EYA4: variants seen among roughly 807,000 people sequenced by gnomAD.
The protein encoded by EYA4 is protein phosphatase EYA4.
A neutral mutation model predicts 87.9 loss-of-function variants in EYA4; 31 were observed. The ratio of observed to expected loss-of-function variants is 0.35; its 90% confidence interval spans 0.27 to 0.48. The LOEUF is 0.48. EYA4 is among the 20% of genes least tolerant of loss of function. The pLI is 0.99. For missense variants in EYA4, 678 were observed against 761.4 expected (o/e 0.89, Z 1.29); for synonymous variants, 263 against 270.6 (o/e 0.97, Z 0.28).
intron 18 of EYA4, among the ~76,000 whole-genome samples, chr6:133,523,704 C>T (rs1800385747): frequency 6.6e-6 from 1 of 152,096 alleles, no homozygotes; most frequent in African/African-American, 2.4e-5. Context: ...GAACCACAAC[C>T]TTGTTTATTT....
intron 1 of EYA4, among the ~76,000 whole-genome samples, chr6:133,267,626 G>T (rs1225204711): frequency 2.0e-5 from 3 of 151,946 alleles, no homozygotes; most frequent in Admixed American, 1.3e-4. Flanking sequence ...CAGGTGATCC[G>T]CCCACCTCGG....
intron 3 of EYA4, among the ~76,000 whole-genome samples, chr6:133,439,119 G>C (rs967779624): frequency 1.4e-5 from 2 of 147,802 alleles, no homozygotes; most frequent in South Asian, 4.3e-4. Context: ...ATGACTTTAC[G>C]AGCATTTAGC....
rs116097271 is a variant in EYA4 at position 133,318,666 on chromosome 6, C to A, written c.33+43853C>A. Among the ~76,000 whole-genome samples, 483 of 149,868 alleles carry A rather than the reference C, an allele frequency of 3.2e-3. 4 individuals are homozygous for A. Among genetic ancestry groups the A allele is most frequent in the African/African-American group, 0.011 (465 of 40,834 alleles). On this transcript the variant is annotated intron_variant, in intron 2 of 19. Coordinates refer to ENST00000355286, the MANE Select transcript of EYA4 (RefSeq NM_004100.5). ...CAGAGTCTCCTGAGCTAATTTAGTTCCTTCGGCAGCTTTGACTGCCCTTTT... is the reference window on the plus strand; with the variant it reads ...CAGAGTCTCCTGAGCTAATTTAGTTACTTCGGCAGCTTTGACTGCCCTTTT...
intron 2 of EYA4, among the ~76,000 whole-genome samples, chr6:133,324,708 G>A (rs1230313410): frequency 6.6e-6 from 1 of 152,008 alleles, no homozygotes; most frequent in Non-Finnish European, 1.5e-5. Flanking sequence ...CATAGCTCAG[G>A]ACCCTCAGTA....
intron 2 of EYA4, among the ~76,000 whole-genome samples, chr6:133,289,453 T>C (rs1778315660): frequency 6.6e-6 from 1 of 152,224 alleles, no homozygotes; most frequent in Non-Finnish European, 1.5e-5. Flanking sequence ...TACTCAGTTT[T>C]CTTTTAGCAA....
intron 13 of EYA4, among the ~76,000 whole-genome samples, chr6:133,496,563 C>T (rs1020336091): frequency 6.6e-6 from 1 of 152,140 alleles, no homozygotes; most frequent in Non-Finnish European, 1.5e-5. Context: ...CAGAATACAG[C>T]CTGGAAGGCA....
At chr6:133,523,027 C>G in intron 17 of EYA4, 29 bp from the exon 18 acceptor site, 1 of 1,586,336 alleles carries the variant, frequency 6.3e-7, no homozygotes. Flanking sequence ...TATTAGAAAA[C>G]AAACATGTAT....
chr6:133,460,521 T>G (rs894109167), intron 6 of EYA4, among the ~76,000 whole-genome samples: 1 of 152,142 alleles, frequency 6.6e-6, no homozygotes, highest in African/African-American at 2.4e-5. Context: ...CTGCATTTTG[T>G]GATTATGTTT....
intron 3 of EYA4, among the ~76,000 whole-genome samples, chr6:133,401,512 T>A (rs193190033): frequency 6.1e-4 from 93 of 152,300 alleles, no homozygotes; most frequent in Admixed American, 1.9e-3. Flanking sequence ...TCAAAATGTG[T>A]CCTTCTGTTA....
intron 9 of EYA4, among the ~76,000 whole-genome samples, chr6:133,463,464 G>A (rs1455146122): frequency 1.3e-5 from 2 of 149,920 alleles, no homozygotes; most frequent in African/African-American, 2.5e-5. Context: ...GGGTTCAAGC[G>A]ATTCTCCTGC....
At chr6:133,403,477 A>T (rs1026774433) in intron 3 of EYA4, among the ~76,000 whole-genome samples, 2 of 152,202 alleles carry the variant, frequency 1.3e-5, no homozygotes, top group African/African-American at 4.8e-5. Flanking sequence ...CTTTAACCAC[A>T]GGGGGAAAAA....
At chr6:133,342,877 C>T (rs369997323) in intron 2 of EYA4, among the ~76,000 whole-genome samples, 7 of 151,880 alleles carry the variant, frequency 4.6e-5, no homozygotes, top group African/African-American at 1.7e-4. Flanking sequence ...AGATTTGATT[C>T]CTAGGTATTT....
intron 13 of EYA4, among the ~76,000 whole-genome samples, chr6:133,501,736 T>C (rs1056949695): frequency 4.6e-5 from 7 of 152,160 alleles, no homozygotes; most frequent in African/African-American, 1.7e-4. Flanking sequence ...AAGAGGTTGA[T>C]GTCTTTAAAA....
intron 2 of EYA4, among the ~76,000 whole-genome samples, chr6:133,378,290 C>T (rs982457537): frequency 6.6e-5 from 10 of 152,048 alleles, no homozygotes; most frequent in African/African-American, 2.4e-4. Flanking sequence ...GTTGTTGAAC[C>T]TCTTTGCACA....
intron 13 of EYA4, among the ~76,000 whole-genome samples, chr6:133,485,730 A>C (rs1583426029): frequency 6.6e-6 from 1 of 152,242 alleles, no homozygotes; most frequent in African/African-American, 2.4e-5. Flanking sequence ...ATGTGTTTTC[A>C]TCAAGAGGTA....
intron 2 of EYA4, among the ~76,000 whole-genome samples, chr6:133,345,708 T>G (rs1196100925): frequency 6.6e-6 from 1 of 152,228 alleles, no homozygotes; most frequent in Non-Finnish European, 1.5e-5. Context: ...ATTGTTAATC[T>G]GTCTGTTAAC....
intron 3 of EYA4, among the ~76,000 whole-genome samples, chr6:133,430,894 T>C (rs1194172025): frequency 6.6e-6 from 1 of 152,202 alleles, no homozygotes. Context: ...TGAAGAAGAA[T>C]AAAATGAGAT....
intron 1 of EYA4, among the ~76,000 whole-genome samples, chr6:133,266,451 T>C (rs779844613): frequency 5.3e-5 from 8 of 152,138 alleles, no homozygotes; most frequent in Non-Finnish European, 1.0e-4. Flanking sequence ...CCTCCAGAAC[T>C]GTGAGAATAG....
chr6:133,432,789 A>T (rs1791306601), intron 3 of EYA4, among the ~76,000 whole-genome samples: 1 of 152,148 alleles, frequency 6.6e-6, no homozygotes, highest in Admixed American at 6.5e-5. Context: ...GGCAGGTGCT[A>T]ACTTCCTTGC....
Sources: gnomAD v4.1 joint callset for allele counts (sites outside exome capture counted in the v4.1 genomes callset) on GRCh38, gnomAD v4.1.1 for gene constraint, MANE v1.5 for transcripts, NCBI Gene and HGNC (gene_info 2026-07-23, HGNC 2026-07-21) for gene names.